Variants in DLGAP1 observed in about 807,000 individuals in gnomAD.
The protein encoded by DLGAP1 is disks large-associated protein 1.
Under a neutral mutation model 90.8 loss-of-function variants are expected in DLGAP1, and 11 were observed. That is an observed-to-expected ratio of 0.12 (90% CI 0.08 to 0.20). The LOEUF (loss-of-function observed/expected upper bound fraction) is 0.20. Ranked by LOEUF, DLGAP1 falls within the 10% of genes least tolerant of loss-of-function variation. DLGAP1 has a pLI of 1.00. For synonymous variants in DLGAP1, 558 were observed against 540.7 expected, an observed-to-expected ratio of 1.03 and a Z score of -0.44; for missense variants, 1,050 against 1,333.8, an observed-to-expected ratio of 0.79 and a Z score of 3.31.
At chr18:4,286,200 A>T (rs75626488) in intron 1 of DLGAP1, among the ~76,000 whole-genome samples, 2,139 of 152,250 alleles carry the variant, frequency 0.014, 20 homozygotes, top group Non-Finnish European at 0.023. Context: ...GCAAAACAGT[A>T]TTATATGGTA....
chr18:4,022,314 A>G (rs1487033606), intron 2 of DLGAP1, among the ~76,000 whole-genome samples: 3 of 150,728 alleles, frequency 2.0e-5, no homozygotes, highest in South Asian at 4.2e-4. Context: ...TTCTGTCTCT[A>G]ATCTCACAGC....
intron 1 of DLGAP1, among the ~76,000 whole-genome samples, chr18:4,423,936 G>C (rs1360786224): frequency 6.6e-6 from 1 of 150,652 alleles, no homozygotes; most frequent in Non-Finnish European, 1.5e-5. Context: ...GGTAGATCAT[G>C]AGGTCAGGAG....
At chr18:4,233,237 T>C (rs1241335128) in intron 1 of DLGAP1, among the ~76,000 whole-genome samples, 1 of 152,172 alleles carries the variant, frequency 6.6e-6, no homozygotes, top group East Asian at 1.9e-4. Flanking sequence ...GTTCTATCCC[T>C]GGCCCCGATC....
intron 3 of DLGAP1, among the ~76,000 whole-genome samples, chr18:4,000,494 A>G (rs558648744): frequency 1.2e-4 from 19 of 152,328 alleles, no homozygotes; most frequent in African/African-American, 4.6e-4. Flanking sequence ...ATTATGAGTT[A>G]TACAAAAAAA....
intron 2 of DLGAP1, among the ~76,000 whole-genome samples, chr18:4,085,450 C>T (rs948463177): frequency 3.8e-4 from 58 of 152,190 alleles, no homozygotes; most frequent in Non-Finnish European, 6.9e-4. Context: ...CCTTTATTCC[C>T]TTCTTACCAC....
intron 2 of DLGAP1, among the ~76,000 whole-genome samples, chr18:4,095,016 A>G (rs998194451): frequency 2.6e-5 from 4 of 152,182 alleles, no homozygotes; most frequent in African/African-American, 4.8e-5. Context: ...CTTCCCGTTC[A>G]TTCAGTCAGC....
intron 4 of DLGAP1, among the ~76,000 whole-genome samples, chr18:3,849,422 A>G (rs893762231): frequency 6.6e-6 from 1 of 152,054 alleles, no homozygotes; most frequent in Non-Finnish European, 1.5e-5. Flanking sequence ...CATTGCATGG[A>G]GGGAGGCAGG....
At chr18:3,772,166 C>CTCAT (rs2064601725) in intron 5 of DLGAP1, among the ~76,000 whole-genome samples, 1 of 96,392 alleles carries the variant, frequency 1.0e-5, no homozygotes, top group African/African-American at 4.3e-5. Flanking sequence ...CTTTCTTTCT[C>CTCAT]TCCTTCCTTT....
Position 3,961,243 on chromosome 18 carries a change from A to G in DLGAP1, c.-73+43873T>C, listed in dbSNP as rs987261940. On this transcript the variant is annotated intron_variant, in intron 3 of 12. Coordinates refer to ENST00000315677, the MANE Select transcript of DLGAP1 (RefSeq NM_004746.4). ...GCGGTATGAGTGACAGTGGGTACAC[A>G]CCTCCTTTGGGCCATTTGTAGCTAG... is the stretch of plus-strand genomic sequence containing the variant. 2.5e-4 allele frequency among the ~76,000 whole-genome samples: 38 copies of G among 151,894 alleles called. 1 individual carries two copies. Among genetic ancestry groups the G allele is most frequent in the Non-Finnish European group, 2.9e-5 (2 of 68,002 alleles).
intron 7 of DLGAP1, among the ~76,000 whole-genome samples, chr18:3,673,018 T>C (rs2060155334): frequency 1.3e-5 from 2 of 152,246 alleles, no homozygotes; most frequent in South Asian, 4.1e-4. Flanking sequence ...AATGATACTC[T>C]AAGACACCGA....
At position 4,333,784 on chromosome 18, in the gene DLGAP1, T is replaced by TA. The variant is rs1366006205; in HGVS notation, c.-267+121221dup. Among the ~76,000 whole-genome samples the TA allele has an allele frequency of 5.3e-5, 8 of 151,006 alleles. No homozygotes were observed. In the East Asian group the frequency reaches 1.6e-3, roughly 30 times the overall value. On this transcript the variant is annotated intron_variant, in intron 1 of 12. Coordinates refer to ENST00000315677, the MANE Select transcript of DLGAP1 (RefSeq NM_004746.4). Reference sequence around the variant, plus strand: ...ACAGGCGCCCACCACCACGCCCGGCTATTTTCAGGGTTTCACTGTGTTATC... The same window carrying TA: ...ACAGGCGCCCACCACCACGCCCGGCTAATTTTCAGGGTTTCACTGTGTTATC...
intron 3 of DLGAP1, among the ~76,000 whole-genome samples, chr18:3,945,790 G>A (rs1205016512): frequency 4.0e-5 from 6 of 151,792 alleles, no homozygotes; most frequent in South Asian, 2.1e-4. Context: ...AATAATAAAA[G>A]AAAAAAAAGA....
At chr18:3,631,279 T>A (rs942015868) in intron 7 of DLGAP1, among the ~76,000 whole-genome samples, 1 of 152,044 alleles carries the variant, frequency 6.6e-6, no homozygotes, top group Non-Finnish European at 1.5e-5. Flanking sequence ...CCACCGTGCC[T>A]GGCTGACTCT....
intron 3 of DLGAP1, among the ~76,000 whole-genome samples, chr18:3,913,210 C>T (rs1298269295): frequency 6.6e-6 from 1 of 152,136 alleles, no homozygotes; most frequent in South Asian, 2.1e-4. Context: ...CCTGCCTCAG[C>T]CTCCTGAGTA....
chr18:4,434,654 A>C (rs2083361778), intron 1 of DLGAP1, among the ~76,000 whole-genome samples: 1 of 152,192 alleles, frequency 6.6e-6, no homozygotes, highest in Non-Finnish European at 1.5e-5. Flanking sequence ...CTTCTCAACC[A>C]AGTCACAGAG....
At chr18:4,395,701 C>T (rs996350887) in intron 1 of DLGAP1, among the ~76,000 whole-genome samples, 2 of 152,116 alleles carry the variant, frequency 1.3e-5, no homozygotes, top group African/African-American at 4.8e-5. Context: ...TGAATACAAG[C>T]GTTTATAACA....
Position 3,537,684 on chromosome 18 carries a change from C to A in DLGAP1, c.2058-3069G>T, listed in dbSNP as rs1268309129. 7.2e-5 allele frequency among the ~76,000 whole-genome samples: 11 copies of A among 152,258 alleles called. No individual in the cohort carries two copies. In the South Asian group the frequency reaches 1.0e-3, roughly 14 times the overall value. The stretch of plus-strand genomic sequence containing the variant: ...CTGTTTTTAATTTTTTGAGGAACAA[C>A]CCTAATATTTTCCATAGTGGCTACA... On this transcript the variant is annotated intron_variant, in intron 9 of 12. Coordinates refer to ENST00000315677, the MANE Select transcript of DLGAP1 (RefSeq NM_004746.4).
chr18:3,780,474 G>T lies in DLGAP1; in HGVS notation c.1172+33585C>A, dbSNP rs540929628. Among the ~76,000 whole-genome samples, 14 of 152,180 alleles carry T rather than the reference G, an allele frequency of 9.2e-5. No individual in the cohort carries two copies. In the East Asian group the frequency reaches 2.7e-3, roughly 30 times the overall value. On this transcript the variant is annotated intron_variant, in intron 5 of 12. Transcript: ENST00000315677. Reference sequence around the variant, plus strand: ...GGCCTCCTGTATTCCTGGATGTGTGGCCTCTTCCTCCATATGCAAAGCCGG... The same window carrying T: ...GGCCTCCTGTATTCCTGGATGTGTGTCCTCTTCCTCCATATGCAAAGCCGG...
At chr18:3,575,940 C>T (rs1474644416) in intron 8 of DLGAP1, among the ~76,000 whole-genome samples, 3 of 152,164 alleles carry the variant, frequency 2.0e-5, no homozygotes, top group African/African-American at 7.2e-5. Context: ...AGACTGCACA[C>T]GGATCATGTC....
Sources: gnomAD v4.1 joint callset for allele counts (sites outside exome capture counted in the v4.1 genomes callset) on GRCh38, gnomAD v4.1.1 for gene constraint, MANE v1.5 for transcripts, NCBI Gene and HGNC (gene_info 2026-07-23, HGNC 2026-07-21) for gene names.